Variants in RTN4RL1 observed in about 807,000 individuals in gnomAD.
RTN4RL1 encodes the protein reticulon 4 receptor like 1.
Under a neutral mutation model 25.6 loss-of-function variants are expected in RTN4RL1, and 7 were observed. The ratio of observed to expected loss-of-function variants is 0.27; its 90% CI spans 0.16 to 0.51. The LOEUF (loss-of-function observed/expected upper bound fraction) is 0.51. Among genes scored for constraint, RTN4RL1 ranks in the 20% least tolerant of loss-of-function variants. The pLI is 0.97. For missense variants in RTN4RL1, 500 were observed against 615.6 expected (o/e 0.81, Z 1.99); for synonymous variants, 297 against 288.2 (o/e 1.03, Z -0.31).
intron 1 of RTN4RL1, among the ~76,000 whole-genome samples, chr17:1,955,715 C>G (rs1206659842): frequency 6.6e-6 from 1 of 151,844 alleles, no homozygotes; most frequent in Non-Finnish European, 1.5e-5. Context: ...TCCTGAGTAG[C>G]TGGGATTACA....
intron 1 of RTN4RL1, among the ~76,000 whole-genome samples, chr17:2,013,661 C>CTTGGGGTTTGATAGCTT (rs1567528205): frequency 1.6e-5 from 2 of 121,242 alleles, no homozygotes; most frequent in Admixed American, 1.7e-4. Context: ...CTCTCTCACC[C>CTTGGGGTTTGATAGCTT]TGGAACATAA....
intron 1 of RTN4RL1, among the ~76,000 whole-genome samples, chr17:1,980,680 G>C (rs760707720): frequency 1.2e-4 from 18 of 151,986 alleles, no homozygotes; most frequent in Non-Finnish European, 1.9e-4. Flanking sequence ...TCAAAGTGGA[G>C]CATTTGGGAG....
intron 1 of RTN4RL1, among the ~76,000 whole-genome samples, chr17:1,956,428 G>T (rs1238303299): frequency 6.6e-6 from 1 of 151,368 alleles, no homozygotes. Context: ...GAGGACTCAA[G>T]TGGGGGCCTG....
rs368170501 is a variant in RTN4RL1 at position 1,937,663 on chromosome 17, G to A, written c.159C>T (p.Pro53=). The stretch of plus-strand genomic sequence containing the variant: ...GCAGGAAGACGCGCTCGCTGTCCAC[G>A]GGGATGCCCTCCGGGATGGCTGCAA... The part of the protein sequence containing the change: ...HNFAAIPEGI[P]VDSERVFLQN... Residue 53 remains proline (P), a synonymous_variant, in exon 2 of 2, where the codon CCC becomes CCT. Transcript: ENST00000331238. 219 of 1,613,644 alleles carry A rather than the reference G, an allele frequency of 1.4e-4. No individual in the cohort carries two copies. The East Asian group carries it at 4.3e-3, about 32-fold the overall frequency.
chr17:1,956,041 A>G (rs1399275441), intron 1 of RTN4RL1, among the ~76,000 whole-genome samples: 1 of 152,180 alleles, frequency 6.6e-6, no homozygotes, highest in African/African-American at 2.4e-5. Context: ...TAAAATTTAA[A>G]TAAAAATTTT....
At chr17:1,991,793 A>G (rs2151319393) in intron 1 of RTN4RL1, among the ~76,000 whole-genome samples, 1 of 152,268 alleles carries the variant, frequency 6.6e-6, no homozygotes, top group East Asian at 1.9e-4. Context: ...CTCCTGATGG[A>G]CAAGTAGGTT....
intron 1 of RTN4RL1, among the ~76,000 whole-genome samples, chr17:2,005,765 CCT>C (rs1257505970): frequency 5.3e-4 from 76 of 143,876 alleles, no homozygotes; most frequent in African/African-American, 4.3e-4. Context: ...CTCTCTCTCT[CCT>C]TCTCTTTCTT....
chr17:1,977,545 G>C (rs941045354), intron 1 of RTN4RL1, among the ~76,000 whole-genome samples: 1 of 152,086 alleles, frequency 6.6e-6, no homozygotes, highest in African/African-American at 2.4e-5. Flanking sequence ...CGCCGGCCTG[G>C]GGTGTCTGGG....
At chr17:2,000,270 A>G (rs553958537) in intron 1 of RTN4RL1, among the ~76,000 whole-genome samples, 15 of 152,334 alleles carry the variant, frequency 9.8e-5, no homozygotes, top group African/African-American at 2.9e-4. Flanking sequence ...CTTGTTAGGA[A>G]GCAGGATGGG....
rs1915304875 is a variant in RTN4RL1 at position 1,936,446 on chromosome 17, C to T, written c.*50G>A. The T allele has an allele frequency of 6.7e-7, 1 of 1,487,698 alleles. No homozygotes were observed. The highest frequency in any genetic ancestry group is 8.9e-7 in the Non-Finnish European group (1 of 1,128,314). The allele number at this position is 1,487,698 out of a possible 1,614,324, so 92.2% of individuals were successfully genotyped here. On this transcript the variant is annotated 3_prime_UTR_variant, in exon 2 of 2. Coordinates refer to ENST00000331238, the MANE Select transcript of RTN4RL1 (RefSeq NM_178568.4). ...TGTTAAAAAAAGAAGAAAATAAATTCTGTTCCTTGGTGGACATGTGGCAGT... is the reference window on the plus strand; with the variant it reads ...TGTTAAAAAAAGAAGAAAATAAATTTTGTTCCTTGGTGGACATGTGGCAGT...
chr17:1,942,402 TG>T (rs1331877688), intron 1 of RTN4RL1, among the ~76,000 whole-genome samples: 3 of 148,832 alleles, frequency 2.0e-5, no homozygotes, highest in Non-Finnish European at 4.5e-5. Context: ...CACTAGCAGA[TG>T]GGGGGGCTCA....
At chr17:1,983,730 G>A (rs1267683311) in intron 1 of RTN4RL1, among the ~76,000 whole-genome samples, 3 of 151,762 alleles carry the variant, frequency 2.0e-5, no homozygotes, top group Non-Finnish European at 2.9e-5. Context: ...TTGTAGAGAC[G>A]GGGTCTTACC....
chr17:2,007,553 C>A (rs1204725708), intron 1 of RTN4RL1, among the ~76,000 whole-genome samples: 1 of 152,170 alleles, frequency 6.6e-6, no homozygotes, highest in Non-Finnish European at 1.5e-5. Context: ...AGTGGGTAGG[C>A]CAGGCTGCCA....
chr17:1,991,135 C>T (rs980145416), intron 1 of RTN4RL1, among the ~76,000 whole-genome samples: 10 of 152,170 alleles, frequency 6.6e-5, no homozygotes, highest in African/African-American at 2.2e-4. Flanking sequence ...TCAGTGCCAG[C>T]TGATTTCTGT....
intron 1 of RTN4RL1, among the ~76,000 whole-genome samples, chr17:1,960,576 T>C (rs1202135506): frequency 6.6e-6 from 1 of 152,290 alleles, no homozygotes; most frequent in African/African-American, 2.4e-5. Flanking sequence ...TACAAATAAA[T>C]AACTAAAAGT....
At chr17:2,011,878 A>G (rs1474840531) in intron 1 of RTN4RL1, among the ~76,000 whole-genome samples, 2 of 152,100 alleles carry the variant, frequency 1.3e-5, no homozygotes, top group Non-Finnish European at 2.9e-5. Flanking sequence ...TCTCTTGAGC[A>G]TAGCCCAAGA....
chr17:1,989,339 G>A (rs1458144569), intron 1 of RTN4RL1, among the ~76,000 whole-genome samples: 1 of 151,598 alleles, frequency 6.6e-6, no homozygotes, highest in East Asian at 1.9e-4. Flanking sequence ...AAAAATTATA[G>A]AGGCTTTTTT....
In RTN4RL1 at chr17:1,937,519, G is replaced by A; in HGVS notation, c.303C>T (p.His101=). 2 of 1,614,008 alleles carry A rather than the reference G, an allele frequency of 1.2e-6. No individual in the cohort carries two copies. The highest frequency in any genetic ancestry group is 1.7e-6 in the Non-Finnish European group (2 of 1,179,894). The change falls in exon 2 of 2, where the codon CAC becomes CAT. Residue 101 remains histidine, a synonymous_variant. Transcript: ENST00000331238. ...IHPSTFEGFV[H]LEELDLGDNR... ...TGTCGCCGAGGTCCAGCTCCTCCAG[G>A]TGCACGAAGCCCTCGAAGGTGCTGG...
rs144322578 is a variant in RTN4RL1, at chr17:1,942,856, G to A, written c.14-5048C>T. Among the ~76,000 whole-genome samples, 8 of 152,264 alleles carry A rather than the reference G, an allele frequency of 5.3e-5. No homozygotes were observed. In the South Asian group the frequency reaches 1.0e-3, roughly 20 times the overall value. ...AAGGGAAAGGCAATGGCCACAGCCC[G>A]TGCGAAGGCCCTGCAGTGGGAAGGG... On this transcript the variant is annotated intron_variant, in intron 1 of 1. Transcript: ENST00000331238.
Sources: allele counts gnomAD v4.1 joint callset (sites outside exome capture counted in the v4.1 genomes callset), GRCh38; gene constraint gnomAD v4.1.1; transcripts MANE v1.5; gene names NCBI Gene and HGNC (gene_info 2026-07-23, HGNC 2026-07-21).